Variants in PRUNE2 observed in about 807,000 individuals in gnomAD.
PRUNE2 encodes the protein prune homolog 2 with BCH domain, also known as protein prune homolog 2.
In PRUNE2, 164 loss-of-function variants were observed where a neutral mutation model predicts 252.0. The ratio of observed to expected loss-of-function variants is 0.65; its 90% CI spans 0.57 to 0.74. The LOEUF (loss-of-function observed/expected upper bound fraction) is 0.74. PRUNE2 is among the 30% of genes least tolerant of loss of function. The pLI, the probability that PRUNE2 is intolerant of heterozygous loss-of-function variation, is 0.00. For synonymous variants in PRUNE2, 1,292 were observed against 1,350.2 expected, an observed-to-expected ratio of 0.96 and a Z score of 0.94; for missense variants, 3,495 against 3,711.0, an observed-to-expected ratio of 0.94 and a Z score of 1.51.
At chr9:76,676,994 C>G (rs2042706508) in intron 9 of PRUNE2, among the ~76,000 whole-genome samples, 1 of 152,224 alleles carries the variant, frequency 6.6e-6, no homozygotes, top group Non-Finnish European at 1.5e-5. Flanking sequence ...TTCTGAAGGT[C>G]CGATCTGTGC....
rs557131946 is a variant in PRUNE2 at position 76,717,897 on chromosome 9, C to T, written c.757-4176G>A. 3.9e-5 allele frequency among the ~76,000 whole-genome samples: 6 copies of T among 152,222 alleles called. No homozygotes were observed. In the East Asian group the frequency reaches 7.7e-4, roughly 20 times the overall value. On this transcript the variant is annotated intron_variant, in intron 6 of 18. Coordinates refer to ENST00000376718, the MANE Select transcript of PRUNE2 (RefSeq NM_015225.3). ...GATGACTAAACATTTTTAGAGGTCA[C>T]GTGTCTTGTTGTCTGAGTAATTTCT...
rs964404150 is a variant in PRUNE2, at chr9:76,837,906, G to A, written c.508+8609C>T. On this transcript the variant is annotated intron_variant, in intron 4 of 18. Coordinates refer to ENST00000376718, the MANE Select transcript of PRUNE2 (RefSeq NM_015225.3). The stretch of plus-strand genomic sequence containing the variant: ...CCTGCCTCAGCCTCCTGAGTAGCTG[G>A]GACTACAGGCGCCTGCCACCACGCC... 6.5e-4 allele frequency among the ~76,000 whole-genome samples: 98 copies of A among 151,398 alleles called. 1 individual carries two copies. Among genetic ancestry groups the A allele is most frequent in the African/African-American group, 2.2e-3 (90 of 41,190 alleles).
intron 5 of PRUNE2, among the ~76,000 whole-genome samples, chr9:76,824,675 C>G (rs890378675): frequency 3.9e-5 from 6 of 152,182 alleles, no homozygotes; most frequent in African/African-American, 1.4e-4. Flanking sequence ...TAGGCCTACT[C>G]TCTTGGGAGG....
chr9:76,861,298 T>A (rs1226838038), intron 1 of PRUNE2, among the ~76,000 whole-genome samples: 1 of 152,192 alleles, frequency 6.6e-6, no homozygotes, highest in Non-Finnish European at 1.5e-5. Flanking sequence ...ACTCCTGACC[T>A]CCTCCTGAAT....
intron 11 of PRUNE2, chr9:76,645,143 C>A: frequency 2.3e-6 from 1 of 438,102 alleles, no homozygotes; most frequent in Non-Finnish European, 4.1e-6. Context: ...AACTGAACAA[C>A]CACATCCATT....
Position 76,709,665 on chromosome 9 carries a change from T to C in PRUNE2, c.2609A>G (p.Asn870Ser), listed in dbSNP as rs756140467. The change falls in exon 8 of 19, where the codon AAT (asparagine) becomes AGT (serine). Residue 870 changes from asparagine (N) to serine (S), a missense_variant. Transcript: ENST00000376718. ...TGCAAAGATGTGATCCCTGGAGTCA[T>C]TGTTTTTCTTGCCCCAGATTTCTGG... ...AAPEIWGKKNNDSRDHIFAPG... is the reference protein window; with the variant it reads ...AAPEIWGKKNSDSRDHIFAPG... The C allele has an allele frequency of 1.4e-5, 22 of 1,613,886 alleles. No individual in the cohort carries two copies. The highest frequency in any genetic ancestry group is 2.7e-5 in the African/African-American group (2 of 74,918).
chr9:76,858,837 G>C (rs1342180029), intron 1 of PRUNE2, among the ~76,000 whole-genome samples: 1 of 152,018 alleles, frequency 6.6e-6, no homozygotes, highest in East Asian at 1.9e-4. Context: ...GGGACTAAAG[G>C]GTGTCTCAGG....
chr9:76,801,742 G>C (rs1374971291), intron 6 of PRUNE2, among the ~76,000 whole-genome samples: 9 of 152,150 alleles, frequency 5.9e-5, no homozygotes, highest in Admixed American at 1.3e-4. Flanking sequence ...AATGGTAAAT[G>C]TGGTAAGAGT....
intron 9 of PRUNE2, among the ~76,000 whole-genome samples, chr9:76,680,338 T>A (rs943364275): frequency 6.6e-6 from 1 of 151,948 alleles, no homozygotes; most frequent in Non-Finnish European, 1.5e-5. Context: ...ATGGCTACTG[T>A]TAAAAAAACA....
At chr9:76,671,311 A>G (rs1313991722) in intron 9 of PRUNE2, among the ~76,000 whole-genome samples, 1 of 149,122 alleles carries the variant, frequency 6.7e-6, no homozygotes, top group African/African-American at 2.5e-5. Context: ...CAGCGATGGA[A>G]GATGAAATGA....
chr9:76,656,113 CA>C (rs1278188741), intron 9 of PRUNE2, among the ~76,000 whole-genome samples: 4 of 152,192 alleles, frequency 2.6e-5, no homozygotes, highest in Non-Finnish European at 4.4e-5. Context: ...TGGCTCTGGT[CA>C]TGACTTCCCA....
chr9:76,651,071 T>A (rs1018141085), intron 11 of PRUNE2, among the ~76,000 whole-genome samples: 1 of 152,068 alleles, frequency 6.6e-6, no homozygotes, highest in African/African-American at 2.4e-5. Flanking sequence ...TTCTTTCACC[T>A]CCTATTTGTG....
intron 16 of PRUNE2, among the ~76,000 whole-genome samples, chr9:76,627,488 C>A (rs1340628110): frequency 2.0e-5 from 3 of 152,002 alleles, no homozygotes; most frequent in African/African-American, 4.8e-5. Flanking sequence ...CAGCCCAGAG[C>A]TATGAGGTAT....
At chr9:76,757,703 TG>T (rs1177161922) in intron 6 of PRUNE2, among the ~76,000 whole-genome samples, 1 of 152,164 alleles carries the variant, frequency 6.6e-6, no homozygotes, top group Non-Finnish European at 1.5e-5. Context: ...GGCTCATACC[TG>T]TAACTCCAGC....
At position 76,708,474 on chromosome 9, in the gene PRUNE2, G is replaced by A. The variant is rs200375705; in HGVS notation, c.3800C>T (p.Ala1267Val). The change falls in exon 8 of 19, where the codon GCG becomes GTG. Residue 1267 changes from alanine (A) to valine (V), a missense_variant. Coordinates refer to ENST00000376718, the MANE Select transcript of PRUNE2 (RefSeq NM_015225.3). ...TTCACTGGTTCCAGAGGCTGCTGGC[G>A]CATCTGGGGAATGAGTGTCTTTAAC... ...ANVKDTHSPD[A>V]PAASGTSESE... 559 of 1,613,926 alleles carry A rather than the reference G, an allele frequency of 3.5e-4. No individual in the cohort carries two copies. The highest frequency in any genetic ancestry group is 4.3e-4 in the Admixed American group (26 of 60,012).
chr9:76,761,572 G>A (rs1031098532), intron 6 of PRUNE2, among the ~76,000 whole-genome samples: 14 of 152,304 alleles, frequency 9.2e-5, no homozygotes, highest in Non-Finnish European at 1.9e-4. Context: ...GGGGTCAAAT[G>A]ATTGCTTTTC....
intron 6 of PRUNE2, among the ~76,000 whole-genome samples, chr9:76,819,753 C>T (rs548502247): frequency 7.2e-5 from 11 of 152,262 alleles, no homozygotes; most frequent in African/African-American, 2.4e-4. Context: ...GATGTAATAA[C>T]ATTTGGTGTC....
At chr9:76,746,976 A>T (rs1239294514) in intron 6 of PRUNE2, among the ~76,000 whole-genome samples, 1 of 152,220 alleles carries the variant, frequency 6.6e-6, no homozygotes, top group Non-Finnish European at 1.5e-5. Context: ...GAACCCAAGG[A>T]AGCGGTCATG....
Position 76,619,509 on chromosome 9 carries a change from TC to T in PRUNE2, c.9189-123del. ...GGTCCCATTGCTAATACTGAACAAA[TC>T]CATACCTGAACAGATGATAAGATTA... is the stretch of plus-strand genomic sequence containing the variant. On this transcript the variant is annotated intron_variant, in intron 17 of 18. Transcript: ENST00000376718. The T allele has an allele frequency of 7.2e-6, 5 of 691,446 alleles. No individual in the cohort carries two copies. The South Asian group carries it at 8.1e-5, about 11-fold the overall frequency. The allele number at this position is 691,446 out of a possible 1,614,324, so 42.8% of individuals were successfully genotyped here. A position where few individuals can be genotyped will look rare whatever the true frequency, so the allele number is the denominator to read the frequency against.
Sources: gnomAD v4.1 joint callset for allele counts (sites outside exome capture counted in the v4.1 genomes callset) on GRCh38, gnomAD v4.1.1 for gene constraint, MANE v1.5 for transcripts, NCBI Gene and HGNC (gene_info 2026-07-23, HGNC 2026-07-21) for gene names.